MAPKAPK3: variants seen among roughly 807,000 people sequenced by gnomAD.
The protein encoded by MAPKAPK3 is MAP kinase-activated protein kinase 3.
A neutral mutation model predicts 49.2 loss-of-function variants in MAPKAPK3; 35 were observed. That is an observed-to-expected ratio of 0.71 (90% CI 0.54 to 0.94). The LOEUF (loss-of-function observed/expected upper bound fraction) is 0.94. Among genes scored for constraint, MAPKAPK3 ranks in the 40% least tolerant of loss-of-function variants. MAPKAPK3 has a pLI of 0.00. For missense variants in MAPKAPK3, 398 were observed against 493.1 expected (o/e 0.81, Z 1.83); for synonymous variants, 178 against 188.7 (o/e 0.94, Z 0.46).
chr3:50,646,713 C>G, intron 8 of MAPKAPK3, 27 bp from the exon 9 acceptor site: 5 of 1,553,292 alleles, frequency 3.2e-6, no homozygotes, highest in Non-Finnish European at 4.4e-6. Flanking sequence ...AATCTCATCT[C>G]TCCCCTCTCT....
chr3:50,618,511 G>C (rs1575994127), intron 2 of MAPKAPK3, among the ~76,000 whole-genome samples: 1 of 152,126 alleles, frequency 6.6e-6, no homozygotes. Flanking sequence ...GCGGGTACCT[G>C]GTTCCAGCTT....
chr3:50,611,646 A>G, upstream of MAPKAPK3: 1 of 1,496,358 alleles, frequency 6.7e-7, no homozygotes, highest in South Asian at 1.3e-5. Context: ...AACGCAGAGG[A>G]CCATGTCCCC....
chr3:50,643,949 G>A (rs2033233346), intron 5 of MAPKAPK3, among the ~76,000 whole-genome samples: 1 of 152,122 alleles, frequency 6.6e-6, no homozygotes, highest in Non-Finnish European at 1.5e-5. Context: ...CAGCTCCTGG[G>A]GTCTGGGGTC....
intron 3 of MAPKAPK3, 42 bp from the exon 4 acceptor site, chr3:50,641,665 G>A (rs1295703580): frequency 6.6e-7 from 1 of 1,518,492 alleles, no homozygotes; most frequent in Non-Finnish European, 9.2e-7. Context: ...GTAGGATGAT[G>A]TGCAGTTTCC....
intron 2 of MAPKAPK3, among the ~76,000 whole-genome samples, chr3:50,639,122 A>C (rs2187732): frequency 6.6e-6 from 1 of 152,184 alleles, no homozygotes. Flanking sequence ...AACCCGAGCA[A>C]GGATCCTGAT....
At chr3:50,646,334 T>G in intron 8 of MAPKAPK3, 70 bp downstream of exon 8, 2 of 1,603,074 alleles carry the variant, frequency 1.2e-6, no homozygotes, top group South Asian at 2.2e-5. Flanking sequence ...AAACATCACT[T>G]TGGTGTCAAA....
At chr3:50,642,992 C>T (rs2107598900) in intron 5 of MAPKAPK3, among the ~76,000 whole-genome samples, 1 of 152,334 alleles carries the variant, frequency 6.6e-6, no homozygotes, top group East Asian at 1.9e-4. Flanking sequence ...GCTGGGACTA[C>T]AGGCGCACAC....
At chr3:50,628,470 C>G (rs2032815684) in intron 2 of MAPKAPK3, among the ~76,000 whole-genome samples, 1 of 152,208 alleles carries the variant, frequency 6.6e-6, no homozygotes, top group Admixed American at 6.5e-5. Flanking sequence ...ATGAAAATGT[C>G]CTATTTTTAC....
rs753090479 is a variant in MAPKAPK3 at position 50,647,880 on chromosome 3, C to A, written c.997-14C>A. Reference sequence around the variant, plus strand: ...TCCTGACCTCTTAGTGCCCACCATCCTGTCTGTCCCCAGGAGGAGATGACC... The same window carrying A: ...TCCTGACCTCTTAGTGCCCACCATCATGTCTGTCCCCAGGAGGAGATGACC... On this transcript the variant is annotated splice_polypyrimidine_tract_variant and intron_variant, in intron 10 of 10. Transcript: ENST00000621469. 2.5e-6 allele frequency: 4 copies of A among 1,607,826 alleles called. No homozygotes were observed. In the African/African-American group the frequency reaches 5.4e-5, roughly 22 times the overall value.
chr3:50,621,535 T>C (rs1328601319), intron 2 of MAPKAPK3, among the ~76,000 whole-genome samples: 2 of 148,350 alleles, frequency 1.3e-5, no homozygotes, highest in East Asian at 4.0e-4. Flanking sequence ...GAGGCGGAGG[T>C]TGCAGTGAGC....
Position 50,648,089 on chromosome 3 carries a change from C to T in MAPKAPK3, c.*43C>T. The T allele has an allele frequency of 6.3e-7, 1 of 1,584,670 alleles. No individual in the cohort carries two copies. The highest frequency in any genetic ancestry group is 2.2e-5 in the East Asian group (1 of 44,736). On this transcript the variant is annotated 3_prime_UTR_variant, in exon 11 of 11. Coordinates refer to ENST00000621469, the MANE Select transcript of MAPKAPK3 (RefSeq NM_001243925.2). ...GAGCCTGGCCTCTCAGCCTGCATAA[C>T]AGACTGAAATGTGCTCAGGCCCTGG... is the stretch of plus-strand genomic sequence containing the variant.
At chr3:50,645,600 C>T in intron 6 of MAPKAPK3, 110 bp from the exon 7 acceptor site, 1 of 784,206 alleles carries the variant, frequency 1.3e-6, no homozygotes, top group Non-Finnish European at 2.2e-6. Flanking sequence ...TCTGCTCTGC[C>T]CTACCTCCCA....
At chr3:50,621,246 C>T (rs2032601893) in intron 2 of MAPKAPK3, among the ~76,000 whole-genome samples, 1 of 152,050 alleles carries the variant, frequency 6.6e-6, no homozygotes, top group African/African-American at 2.4e-5. Context: ...TCATTTGAGT[C>T]CAGGAGTTTA....
rs1363506925 is a variant in MAPKAPK3, at chr3:50,642,327, G to A, written c.499G>A (p.Val167Ile). ...CAGCCATAACATTGCCCACCGAGAT[G>A]TCAAGGTGAGGCTCCAGGATTCAGG... is the stretch of plus-strand genomic sequence containing the variant. The part of the protein sequence containing the change: ...LHSHNIAHRD[V>I]KPENLLYTSK... The change falls in exon 5 of 11, where the codon GTC becomes ATC. Residue 167 changes from valine to isoleucine, a missense_variant. Physicochemically the swap from Val to Ile is conservative, Grantham distance 29 (BLOSUM62 3). Coordinates refer to ENST00000621469, the MANE Select transcript of MAPKAPK3 (RefSeq NM_001243925.2). The A allele has an allele frequency of 3.7e-6, 6 of 1,611,798 alleles. No homozygotes were observed. The African/African-American group carries it at 8.0e-5, about 22-fold the overall frequency.
chr3:50,611,708 G>A (rs1225888520), upstream of MAPKAPK3: 4 of 1,438,918 alleles, frequency 2.8e-6, no homozygotes, highest in Non-Finnish European at 3.6e-6. Flanking sequence ...GGCGGCTGGA[G>A]GGAACCAGTG....
intron 2 of MAPKAPK3, among the ~76,000 whole-genome samples, chr3:50,621,597 CAAAAAAA>C (rs57325539): frequency 2.4e-5 from 1 of 41,766 alleles, no homozygotes; most frequent in Non-Finnish European, 4.8e-5. Flanking sequence ...GGCTGTGTCT[CAAAAAAA>C]AAAAAAAAAA....
intron 2 of MAPKAPK3, among the ~76,000 whole-genome samples, chr3:50,628,524 A>G (rs2032816439): frequency 6.6e-6 from 1 of 152,246 alleles, no homozygotes; most frequent in Non-Finnish European, 1.5e-5. Context: ...TTCACAGATT[A>G]TGTAGCTGAT....
At chr3:50,636,559 G>A (rs1241939365) in intron 2 of MAPKAPK3, among the ~76,000 whole-genome samples, 3 of 152,206 alleles carry the variant, frequency 2.0e-5, no homozygotes, top group African/African-American at 7.2e-5. Flanking sequence ...GGTCCCAAGG[G>A]TGTGTGCAAT....
intron 10 of MAPKAPK3, among the ~76,000 whole-genome samples, chr3:50,647,483 G>C (rs2033331294): frequency 6.6e-6 from 1 of 152,220 alleles, no homozygotes; most frequent in African/African-American, 2.4e-5. Context: ...TTGGGAGGGT[G>C]GTCAGCCTGG....
Sources: gnomAD v4.1 joint callset for allele counts (sites outside exome capture counted in the v4.1 genomes callset) on GRCh38, gnomAD v4.1.1 for gene constraint, MANE v1.5 for transcripts, NCBI Gene and HGNC (gene_info 2026-07-23, HGNC 2026-07-21) for gene names.